The following CORO7 variants were observed in gnomAD, a reference collection of about 807,000 sequenced individuals.
The protein encoded by CORO7 is coronin-7.
Under a neutral mutation model 126.6 loss-of-function variants are expected in CORO7, and 107 were observed. The observed-to-expected ratio is 0.85, with a 90% CI of 0.72 to 0.99. CORO7 has a LOEUF of 0.99. CORO7 is among the 50% of genes least tolerant of loss of function. The pLI is 0.00. For synonymous variants in CORO7, 603 were observed against 536.8 expected (o/e 1.12, Z -1.70); for missense variants, 1,314 against 1,255.8 (o/e 1.05, Z -0.70).
chr16:4,382,901 C>T (rs1246248490), intron 9 of CORO7: 6 of 1,505,446 alleles, frequency 4.0e-6, no homozygotes, highest in Admixed American at 2.3e-5. Context: ...TACATCTAAG[C>T]CAGAGAGAGA....
At chr16:4,413,479 G>A (rs1024927519) in intron 1 of CORO7, 75 bp from the exon 2 acceptor site, 12 of 1,390,144 alleles carry the variant, frequency 8.6e-6, no homozygotes, top group Admixed American at 6.8e-5. Context: ...GCAAGAGGTG[G>A]GGCATAATCT....
In CORO7 at chr16:4,361,441, G is replaced by A. The variant is rs145925246; in HGVS notation, c.1607C>T (p.Thr536Met). The A allele has an allele frequency of 3.4e-5, 55 of 1,612,232 alleles. No homozygotes were observed. The highest frequency in any genetic ancestry group is 6.7e-5 in the African/African-American group (5 of 75,042). Residue 536 changes from threonine to methionine, a missense_variant, in exon 17 of 28, where the codon ACG becomes ATG. Thr to Met is a moderately conservative substitution (Grantham distance 81). Coordinates refer to ENST00000251166, the MANE Select transcript of CORO7 (RefSeq NM_024535.5). The stretch of plus-strand genomic sequence containing the variant: ...CCCATTCTGCAGCGTGGGCAGTGCC[G>A]TGTCGGGCAGGCGGCCAGGCTTCCG... ...ELRKPGRLPD[T>M]ALPTLQNGAA...
At chr16:4,414,014 T>C (rs57674835) in intron 1 of CORO7, among the ~76,000 whole-genome samples, 107,750 of 150,454 alleles carry the variant, frequency 0.72, 38,816 homozygotes, top group Non-Finnish European at 0.76. Flanking sequence ...TGGTGAAACC[T>C]TATCTCTACT....
intron 9 of CORO7, among the ~76,000 whole-genome samples, chr16:4,372,425 C>T (rs1240049145): frequency 6.6e-6 from 1 of 152,234 alleles, no homozygotes; most frequent in African/African-American, 2.4e-5. Context: ...GCCCGGGGTC[C>T]TCTGGACCCT....
At position 4,413,757 on chromosome 16, in the gene CORO7, C is replaced by T. The variant is rs551942747; in HGVS notation, c.61-353G>A. On this transcript the variant is annotated intron_variant, in intron 1 of 27. Coordinates refer to ENST00000251166, the MANE Select transcript of CORO7 (RefSeq NM_024535.5). ...TTCACCATGTTGGCCAGGCTGGTCTCGAACTCCTGGCCTCAAGTGATCTGC... is the reference window on the plus strand; with the variant it reads ...TTCACCATGTTGGCCAGGCTGGTCTTGAACTCCTGGCCTCAAGTGATCTGC... Among the ~76,000 whole-genome samples, 14 of 150,952 alleles carry T rather than the reference C, an allele frequency of 9.3e-5. 1 individual carries two copies. In the South Asian group the frequency reaches 2.8e-3, roughly 30 times the overall value.
At chr16:4,372,806 G>C (rs1359850291) in intron 9 of CORO7, among the ~76,000 whole-genome samples, 3 of 152,198 alleles carry the variant, frequency 2.0e-5, no homozygotes, top group South Asian at 4.1e-4. Context: ...CGCCTCCCCT[G>C]CTGTGGCCCA....
intron 7 of CORO7, among the ~76,000 whole-genome samples, chr16:4,392,726 G>A (rs972922767): frequency 1.1e-4 from 17 of 152,246 alleles, no homozygotes; most frequent in South Asian, 2.1e-4. Context: ...GGCTCACACC[G>A]GCCCTGGCTG....
chr16:4,389,200 C>T (rs1356180892), intron 7 of CORO7, among the ~76,000 whole-genome samples: 4 of 152,148 alleles, frequency 2.6e-5, no homozygotes, highest in Non-Finnish European at 5.9e-5. Context: ...CTCTGGGCAA[C>T]GTCCAGAGAG....
chr16:4,387,379 A>C (rs2055229131), intron 9 of CORO7, among the ~76,000 whole-genome samples: 1 of 152,154 alleles, frequency 6.6e-6, no homozygotes, highest in African/African-American at 2.4e-5. Flanking sequence ...CTGGGGGCAG[A>C]TGGAAGGATG....
chr16:4,396,061 T>A (rs183890725), intron 6 of CORO7, among the ~76,000 whole-genome samples: 1 of 152,120 alleles, frequency 6.6e-6, no homozygotes, highest in East Asian at 1.9e-4. Flanking sequence ...TATCCACTAC[T>A]ACAGGCTGGG....
In CORO7 at chr16:4,389,760, C is replaced by T. The variant is rs566740810; in HGVS notation, c.616-1129G>A. On this transcript the variant is annotated intron_variant, in intron 7 of 27. Transcript: ENST00000251166. ...ATTGGCCAGCCCTGCCCTCAACACC[C>T]GGAGAGGGTCACAGTGTCATTCAGG... 6.1e-4 allele frequency among the ~76,000 whole-genome samples: 93 copies of T among 152,354 alleles called. No individual in the cohort carries two copies. The South Asian group carries it at 0.011, about 18-fold the overall frequency.
At chr16:4,406,327 A>C (rs2141316746) in intron 5 of CORO7, among the ~76,000 whole-genome samples, 2 of 146,610 alleles carry the variant, frequency 1.4e-5, no homozygotes, top group East Asian at 4.2e-4. Flanking sequence ...ACAGCATCTC[A>C]CTCTGTTGCC....
chr16:4,407,237 C>T (rs936057255), intron 5 of CORO7, among the ~76,000 whole-genome samples: 4 of 151,144 alleles, frequency 2.6e-5, no homozygotes, highest in East Asian at 1.9e-4. Flanking sequence ...CATGAGCCAC[C>T]GCGCCCGGCC....
Position 4,358,021 on chromosome 16 carries a change from C to T in CORO7, c.2540G>A (p.Gly847Asp), listed in dbSNP as rs1212639594. ...GAGAAGCCAGGGCTGCCCATTAGCGCCTTGCAGCCAGGCCTCGGCACTGAG... is the reference window on the plus strand; with the variant it reads ...GAGAAGCCAGGGCTGCCCATTAGCGTCTTGCAGCCAGGCCTCGGCACTGAG... ...PVLSAEAWLQ[G>D]ANGQPWLLSL... Residue 847 changes from glycine to aspartate, a missense_variant, in exon 25 of 28, where the codon GGC becomes GAC. Gly to Asp is a moderately conservative substitution (Grantham distance 94). Transcript: ENST00000251166. 2.5e-6 allele frequency: 4 copies of T among 1,613,088 alleles called. No homozygotes were observed. Among genetic ancestry groups the T allele is most frequent in the Admixed American group, 1.7e-5 (1 of 60,020 alleles).
intron 6 of CORO7, 85 bp downstream of exon 6, chr16:4,405,406 A>G: frequency 6.8e-7 from 1 of 1,470,736 alleles, no homozygotes; most frequent in Non-Finnish European, 9.1e-7. Context: ...CTCCTAAACA[A>G]CAAGCCTGGA....
chr16:4,376,271 G>A (rs1244960339), intron 9 of CORO7, among the ~76,000 whole-genome samples: 2 of 152,204 alleles, frequency 1.3e-5, no homozygotes, highest in South Asian at 2.1e-4. Flanking sequence ...ACACGTCAGC[G>A]AAACTGGAGC....
Position 4,362,099 on chromosome 16 carries a change from G to C in CORO7, c.1464C>G (p.Thr488=), listed in dbSNP as rs2054200149. The C allele has an allele frequency of 1.2e-6, 2 of 1,613,094 alleles. No homozygotes were observed. Among genetic ancestry groups the C allele is most frequent in the Admixed American group, 1.7e-5 (1 of 59,984 alleles). ...GTVLHRDSHI[T]NLKGLNLTTP... ...TGGTGAGGTTGAGCCCCTTGAGGTT[G>C]GTGATGTGGCTGTCTCGGTGCAGGA... The change falls in exon 16 of 28, where the codon ACC becomes ACG. Residue 488 remains threonine (T), a synonymous_variant. Transcript: ENST00000251166. The surrounding 1 kb of genome is among the most constrained non-coding windows in gnomAD (Gnocchi z 5.3).
At chr16:4,359,414 C>G in intron 22 of CORO7, 29 bp from the exon 23 acceptor site, 1 of 1,613,524 alleles carries the variant, frequency 6.2e-7, no homozygotes, top group Non-Finnish European at 8.5e-7. Context: ...GCTGGGAACC[C>G]TCCGGCAACA....
chr16:4,364,298 G>T lies in CORO7; in HGVS notation c.1253C>A (p.Pro418His). Residue 418 changes from proline to histidine, a missense_variant, in exon 14 of 28, where the codon CCC (proline) becomes CAC (histidine). Coordinates refer to ENST00000251166, the MANE Select transcript of CORO7 (RefSeq NM_024535.5). The part of the protein sequence containing the change: ...DTAQPAVMET[P>H]VGDADASEGF... ...TACGCTTGCGTCTGCATCACCCACG[G>T]GTGTCTCCATCACCGCAGGCTGGGC... 1 of 1,548,856 alleles carries T rather than the reference G, an allele frequency of 6.5e-7. No individual in the cohort carries two copies.
Sources: allele counts gnomAD v4.1 joint callset (sites outside exome capture counted in the v4.1 genomes callset), GRCh38; gene constraint gnomAD v4.1.1; non-coding constraint Gnocchi (gnomAD v3.1); transcripts MANE v1.5; gene names NCBI Gene and HGNC (gene_info 2026-07-23, HGNC 2026-07-21).